The following FLYWCH1 variants were observed in gnomAD, a reference collection of about 807,000 sequenced individuals.
FLYWCH1 encodes the protein FLYWCH-type zinc finger 1, also known as FLYWCH-type zinc finger-containing protein 1.
In FLYWCH1, 75 loss-of-function variants were observed where a neutral mutation model predicts 66.4. That is an observed-to-expected ratio of 1.13 (90% confidence interval 0.94 to 1.37). The LOEUF (loss-of-function observed/expected upper bound fraction) is 1.37, where lower values mean the gene tolerates loss of function less well. Among genes scored for constraint, FLYWCH1 ranks in the 40% most tolerant of loss-of-function variants. FLYWCH1 has a pLI of 0.00. For missense variants in FLYWCH1, 1,334 were observed against 1,001.8 expected (o/e 1.33, Z -4.48); for synonymous variants, 595 against 429.9 (o/e 1.38, Z -4.75).
chr16:2,917,731 A>C (rs1217292596), intron 2 of FLYWCH1, among the ~76,000 whole-genome samples: 1 of 152,084 alleles, frequency 6.6e-6, no homozygotes, highest in Non-Finnish European at 1.5e-5. Context: ...TTCACAGTCT[A>C]TCAGTATCAG....
rs1197623402 is a variant in FLYWCH1 at position 2,930,597 on chromosome 16, C to T, written c.513C>T (p.Gly171=). 3 of 1,553,840 alleles carry T rather than the reference C, an allele frequency of 1.9e-6. No individual in the cohort carries two copies. The highest frequency in any genetic ancestry group is 2.6e-6 in the Non-Finnish European group (3 of 1,149,938). Residue 171 remains glycine, a synonymous_variant, in exon 4 of 10, where the codon GGC becomes GGT. Coordinates refer to ENST00000253928, the MANE Select transcript of FLYWCH1 (RefSeq NM_001308068.2). ...TRGLRATVMR[G]HCHAPDEQGL... ...GCCTGCGGGCCACAGTGATGCGGGGCCACTGCCACGCGCCCGATGAGCAAG... is the reference window on the plus strand; with the variant it reads ...GCCTGCGGGCCACAGTGATGCGGGGTCACTGCCACGCGCCCGATGAGCAAG...
intron 9 of FLYWCH1, among the ~76,000 whole-genome samples, chr16:2,945,583 C>T (rs1001745961): frequency 1.4e-5 from 2 of 142,764 alleles, no homozygotes; most frequent in African/African-American, 2.6e-5. Flanking sequence ...GAGATCGTGG[C>T]AGTGCACCGA....
intron 4 of FLYWCH1, 23 bp from the exon 5 acceptor site, chr16:2,933,107 G>T: frequency 1.2e-6 from 2 of 1,601,272 alleles, no homozygotes; most frequent in South Asian, 2.2e-5. Flanking sequence ...CTGGTGATGT[G>T]ACCACTTGGG....
At chr16:2,927,579 G>A (rs892987220) in intron 2 of FLYWCH1, among the ~76,000 whole-genome samples, 2 of 152,218 alleles carry the variant, frequency 1.3e-5, no homozygotes, top group African/African-American at 4.8e-5. Flanking sequence ...AGCAATGACT[G>A]GGGTTGCTTT....
At chr16:2,948,143 T>G (rs994800718) in intron 9 of FLYWCH1, among the ~76,000 whole-genome samples, 1 of 152,144 alleles carries the variant, frequency 6.6e-6, no homozygotes, top group Non-Finnish European at 1.5e-5. Context: ...TTGAAACTTT[T>G]TGGAAGTGTT....
intron 2 of FLYWCH1, chr16:2,915,522 G>T (rs1481050093): frequency 1.3e-5 from 2 of 152,160 alleles, no homozygotes; most frequent in African/African-American, 4.8e-5. Context: ...GAGTATAAAA[G>T]AATTGTATTT....
intron 6 of FLYWCH1, chr16:2,936,812 G>T (rs1468630851): frequency 1.7e-6 from 1 of 574,758 alleles, no homozygotes; most frequent in Non-Finnish European, 3.3e-6. Context: ...CTGCATGCAA[G>T]CCTGGGCGGG....
At position 2,949,625 on chromosome 16, in the gene FLYWCH1, G is replaced by C. The variant is rs2071618208; in HGVS notation, c.*898G>C. The C allele has an allele frequency of 2.6e-5, 4 of 152,248 alleles. No homozygotes were observed. The highest frequency in any genetic ancestry group is 2.1e-4 in the South Asian group (1 of 4,820). The allele number at this position is 152,248 out of a possible 1,614,324, so 9.4% of individuals were successfully genotyped here. On this transcript the variant is annotated 3_prime_UTR_variant, in exon 10 of 10. Transcript: ENST00000253928. ...TGCAGAGCCTCCTCCTTACTAACAA[G>C]GACCTGTCCGCAGCCGCGAGGTCCT...
At chr16:2,939,878 G>C (rs2071188055) in intron 8 of FLYWCH1, 154 bp from the exon 9 acceptor site, 1 of 759,018 alleles carries the variant, frequency 1.3e-6, no homozygotes. Flanking sequence ...TACCTGGGAA[G>C]GTAATTGATG....
chr16:2,924,646 C>T, intron 2 of FLYWCH1, among the ~76,000 whole-genome samples: 1 of 152,194 alleles, frequency 6.6e-6, no homozygotes, highest in Non-Finnish European at 1.5e-5. Flanking sequence ...GCTCCTGCCA[C>T]GCTGTGGGTC....
At chr16:2,919,270 CTTT>C (rs1243181807) in intron 2 of FLYWCH1, among the ~76,000 whole-genome samples, 2 of 136,690 alleles carry the variant, frequency 1.5e-5, no homozygotes. Context: ...TTTTTTGTTT[CTTT>C]TTTTTTTTTT....
At chr16:2,915,370 C>T (rs1173065176) in intron 2 of FLYWCH1, 1 of 151,930 alleles carries the variant, frequency 6.6e-6, no homozygotes, top group Non-Finnish European at 1.5e-5. Context: ...GGATTACAGG[C>T]CTGTGCTACC....
chr16:2,929,872 C>T lies in FLYWCH1; in HGVS notation c.187C>T (p.His63Tyr). 2 of 1,613,932 alleles carry T rather than the reference C, an allele frequency of 1.2e-6. No individual in the cohort carries two copies. The highest frequency in any genetic ancestry group is 1.7e-6 in the Non-Finnish European group (2 of 1,179,882). Residue 63 changes from histidine to tyrosine, a missense_variant, in exon 3 of 10, where the codon CAC becomes TAC. His to Tyr is a moderately conservative substitution (Grantham distance 83). Transcript: ENST00000253928. ...GGTGGGATCCAAGCCCCAGGAAGTG[C>T]ACTGCGTCCTGTCCCTGGAGATGGC... ...DGVGSKPQEV[H>Y]CVLSLEMAGP...
chr16:2,940,039 T>G lies in FLYWCH1; in HGVS notation c.2058T>G (p.Ile686Met), dbSNP rs752518190. The change falls in exon 9 of 10, where the codon ATT (isoleucine) becomes ATG (methionine). Residue 686 changes from isoleucine (I) to methionine (M), a missense_variant. Physicochemically the swap from Ile to Met is conservative, Grantham distance 10 (BLOSUM62 1). Transcript: ENST00000253928. Reference protein sequence around the residue: ...TTAQQEDPEKIQVQLCFKTCS... With the variant: ...TTAQQEDPEKMQVQLCFKTCS... Reference sequence around the variant, plus strand: ...TCAATTATTTTTCCACAGAAAAGATTCAAGTTCAGCTGTGCTTCAAGACGT... The same window carrying G: ...TCAATTATTTTTCCACAGAAAAGATGCAAGTTCAGCTGTGCTTCAAGACGT... 1.9e-6 allele frequency: 3 copies of G among 1,599,066 alleles called. No homozygotes were observed. In the South Asian group the frequency reaches 3.3e-5, roughly 18 times the overall value.
intron 9 of FLYWCH1, among the ~76,000 whole-genome samples, chr16:2,943,138 G>C (rs917954066): frequency 6.6e-6 from 1 of 151,752 alleles, no homozygotes; most frequent in African/African-American, 2.4e-5. Context: ...CTGGCATTTC[G>C]GTGACCATAT....
intron 8 of FLYWCH1, 50 bp downstream of exon 8, chr16:2,938,506 T>A: frequency 6.7e-7 from 1 of 1,488,864 alleles, no homozygotes; most frequent in Non-Finnish European, 8.9e-7. Context: ...TCCTCATCTC[T>A]TCCAGCTCAG....
chr16:2,936,830 G>A (rs754073563), intron 6 of FLYWCH1: 2 of 601,948 alleles, frequency 3.3e-6, no homozygotes, highest in African/African-American at 3.6e-5. Flanking sequence ...GGGTGCTGGG[G>A]ACGGACGAGT....
chr16:2,930,792 G>A lies in FLYWCH1; in HGVS notation c.708G>A (p.Leu236=). 1 of 1,594,630 alleles carries A rather than the reference G, an allele frequency of 6.3e-7. No homozygotes were observed. The highest frequency in any genetic ancestry group is 8.5e-7 in the Non-Finnish European group (1 of 1,175,088). The part of the protein sequence containing the change: ...EEPEPTPGLV[L]SKPALEEEEA... ...CCGAGCCCACTCCTGGGCTGGTGCT[G>A]AGCAAGCCGGCCCTGGAGGAGGAGG... Residue 236 remains leucine (L), a synonymous_variant, in exon 4 of 10, where the codon CTG becomes CTA. Coordinates refer to ENST00000253928, the MANE Select transcript of FLYWCH1 (RefSeq NM_001308068.2).
chr16:2,947,505 C>T (rs2071533418), intron 9 of FLYWCH1, among the ~76,000 whole-genome samples: 1 of 152,108 alleles, frequency 6.6e-6, no homozygotes, highest in Admixed American at 6.6e-5. Flanking sequence ...TCACGCCAGT[C>T]ATGCCAGCAC....
Sources: gnomAD v4.1 joint callset for allele counts (sites outside exome capture counted in the v4.1 genomes callset) on GRCh38, gnomAD v4.1.1 for gene constraint, MANE v1.5 for transcripts, NCBI Gene and HGNC (gene_info 2026-07-23, HGNC 2026-07-21) for gene names.